CDKL3: variants seen among roughly 807,000 people sequenced by gnomAD.
The protein encoded by CDKL3 is cyclin-dependent kinase-like 3.
In CDKL3, 65 loss-of-function variants were observed where a neutral mutation model predicts 69.3. That is an observed-to-expected ratio of 0.94 (90% CI 0.77 to 1.15). The LOEUF (loss-of-function observed/expected upper bound fraction) is 1.15, where lower values mean the gene tolerates loss of function less well. Ranked by LOEUF, CDKL3 falls within the 50% of genes most tolerant of loss-of-function variation. The probability of loss-of-function intolerance (pLI) is 0.00; values close to 1 mark genes in which losing one functional copy is unlikely to be tolerated. For missense variants in CDKL3, 652 were observed against 689.2 expected, an observed-to-expected ratio of 0.95 and a Z score of 0.61; for synonymous variants, 202 against 221.6, an observed-to-expected ratio of 0.91 and a Z score of 0.79.
intron 10 of CDKL3, among the ~76,000 whole-genome samples, chr5:134,305,682 T>C (rs1159638547): frequency 6.6e-6 from 1 of 152,240 alleles, no homozygotes; most frequent in African/African-American, 2.4e-5. Context: ...ATGTTTAGTA[T>C]TCCACTGTAT....
At chr5:134,312,626 G>A (rs1425199368) in intron 6 of CDKL3, among the ~76,000 whole-genome samples, 1 of 152,182 alleles carries the variant, frequency 6.6e-6, no homozygotes, top group South Asian at 2.1e-4. Flanking sequence ...ACAGAGGTCA[G>A]TCTGTTTCTG....
chr5:134,328,439 C>A (rs1047643874), intron 4 of CDKL3, among the ~76,000 whole-genome samples: 1 of 151,438 alleles, frequency 6.6e-6, no homozygotes, highest in Non-Finnish European at 1.5e-5. Flanking sequence ...TTTAAACAGG[C>A]AGAAAAAATA....
chr5:134,356,884 AG>A (rs1754741557), intron 3 of CDKL3, among the ~76,000 whole-genome samples: 2 of 151,826 alleles, frequency 1.3e-5, no homozygotes, highest in Non-Finnish European at 2.9e-5. Flanking sequence ...CACGTGGATG[AG>A]GGCAACAGCG....
intron 4 of CDKL3, among the ~76,000 whole-genome samples, chr5:134,348,484 A>T (rs1752479935): frequency 6.6e-6 from 1 of 152,156 alleles, no homozygotes. Context: ...GTCTCCTAGA[A>T]TCCAACCTTA....
intron 2 of CDKL3, among the ~76,000 whole-genome samples, chr5:134,365,478 A>G (rs1015266172): frequency 4.4e-4 from 67 of 151,772 alleles, no homozygotes; most frequent in African/African-American, 1.6e-3. Context: ...CTTTTCATTC[A>G]CATTGCTGCA....
At chr5:134,368,864 T>G (rs894955539), upstream of CDKL3, among the ~76,000 whole-genome samples, 1 of 151,730 alleles carries the variant, frequency 6.6e-6, no homozygotes, top group Non-Finnish European at 1.5e-5. Flanking sequence ...AGGGCAAAAC[T>G]CCATCTCTAC....
upstream of CDKL3, chr5:134,371,609 C>T: frequency 1.9e-6 from 3 of 1,613,030 alleles, no homozygotes; most frequent in Non-Finnish European, 2.5e-6. Context: ...TCGACCCCGG[C>T]CCGGAGGAGG....
intron 7 of CDKL3, among the ~76,000 whole-genome samples, chr5:134,309,705 T>G (rs1243019578): frequency 6.6e-6 from 1 of 152,210 alleles, no homozygotes; most frequent in Non-Finnish European, 1.5e-5. Context: ...CCCACTCTTC[T>G]GAGGATTCTA....
chr5:134,327,381 T>C (rs918010733), intron 4 of CDKL3, among the ~76,000 whole-genome samples: 1 of 152,054 alleles, frequency 6.6e-6, no homozygotes, highest in African/African-American at 2.4e-5. Context: ...AGAGAGAAAA[T>C]TGCCATGAAT....
At chr5:134,296,952 C>CTTTT (rs111349325), downstream of CDKL3, among the ~76,000 whole-genome samples, 36 of 131,286 alleles carry the variant, frequency 2.7e-4, no homozygotes, top group African/African-American at 8.5e-4. Context: ...CTTTTCTTTT[C>CTTTT]TTTTTTTTTT....
upstream of CDKL3, among the ~76,000 whole-genome samples, chr5:134,369,365 G>A (rs116494282): frequency 1.2e-3 from 185 of 152,288 alleles, no homozygotes; most frequent in African/African-American, 4.2e-3. Context: ...TCAGGACTTC[G>A]TTGGTGGGTC....
intron 2 of CDKL3, among the ~76,000 whole-genome samples, chr5:134,363,976 A>T (rs1395266022): frequency 8.3e-6 from 1 of 120,550 alleles, no homozygotes; most frequent in African/African-American, 3.4e-5. Context: ...AAAAAAAAAA[A>T]AAGAGAGAGA....
At chr5:134,367,257 G>A (rs760293290), upstream of CDKL3, 1 of 985,386 alleles carries the variant, frequency 1.0e-6, no homozygotes, top group Non-Finnish European at 1.2e-6. Context: ...CTGGGTAGGC[G>A]CAAGGTGGAA....
intron 4 of CDKL3, among the ~76,000 whole-genome samples, chr5:134,341,587 T>C (rs979465898): frequency 2.6e-5 from 4 of 152,208 alleles, no homozygotes; most frequent in African/African-American, 9.7e-5. Flanking sequence ...CCCAAATCAT[T>C]TTCTTTTCTA....
At chr5:134,338,803 C>T (rs1328521179) in intron 4 of CDKL3, among the ~76,000 whole-genome samples, 1 of 152,024 alleles carries the variant, frequency 6.6e-6, no homozygotes, top group African/African-American at 2.4e-5. Flanking sequence ...AAGAAAACAA[C>T]ATGAGACAAA....
At chr5:134,316,539 G>A (rs1039156443) in intron 6 of CDKL3, among the ~76,000 whole-genome samples, 3 of 151,780 alleles carry the variant, frequency 2.0e-5, no homozygotes, top group African/African-American at 4.8e-5. Context: ...GGAGGTTGCA[G>A]TGAGCTGAGA....
chr5:134,305,437 T>C (rs1027428279), intron 10 of CDKL3, among the ~76,000 whole-genome samples: 12 of 152,156 alleles, frequency 7.9e-5, no homozygotes, highest in African/African-American at 2.7e-4. Flanking sequence ...TAACTTTTCA[T>C]TTTTAATACT....
chr5:134,308,804 C>A, intron 7 of CDKL3, 77 bp from the exon 8 acceptor site: 1 of 1,217,776 alleles, frequency 8.2e-7, no homozygotes, highest in East Asian at 2.5e-5. Context: ...TAAACCATTT[C>A]ATCAATTAAT....
chr5:134,314,865 G>A (rs538260483), intron 6 of CDKL3, among the ~76,000 whole-genome samples: 90 of 152,194 alleles, frequency 5.9e-4, no homozygotes, highest in African/African-American at 2.0e-3. Flanking sequence ...GAAATGTTAG[G>A]TATCGTGTGT....
Sources: allele counts gnomAD v4.1 joint callset (sites outside exome capture counted in the v4.1 genomes callset), GRCh38; gene constraint gnomAD v4.1.1; transcripts MANE v1.5; gene names NCBI Gene and HGNC (gene_info 2026-07-23, HGNC 2026-07-21).